Variants in TIMM23 observed in about 807,000 individuals in gnomAD.
TIMM23 encodes mitochondrial import inner membrane translocase subunit Tim23.
TIMM23 carries 19 observed loss-of-function variants against 30.7 expected under a neutral mutation model. That is an observed-to-expected ratio of 0.62 (90% confidence interval 0.43 to 0.91). TIMM23 has a LOEUF of 0.91. Ranked by LOEUF, TIMM23 falls within the 40% of genes least tolerant of loss-of-function variation. The pLI, the probability that TIMM23 is intolerant of heterozygous loss-of-function variation, is 0.00. For synonymous variants in TIMM23, 78 were observed against 98.5 expected, an observed-to-expected ratio of 0.79 and a Z score of 1.23; for missense variants, 202 against 269.2, an observed-to-expected ratio of 0.75 and a Z score of 1.75.
intron 6 of TIMM23, among the ~76,000 whole-genome samples, chr10:45,991,719 C>G (rs1225423690): frequency 1.3e-5 from 2 of 151,106 alleles, no homozygotes; most frequent in Admixed American, 6.6e-5. Flanking sequence ...CCACTGCACT[C>G]TAGCCTGGGC....
intron 6 of TIMM23, among the ~76,000 whole-genome samples, chr10:45,991,436 T>C (rs1468583351): frequency 2.6e-5 from 4 of 151,896 alleles, no homozygotes; most frequent in Non-Finnish European, 5.9e-5. Flanking sequence ...GAAGAGATGG[T>C]GAGGAAAAGG....
At chr10:45,993,050 C>A (rs1838213354) in intron 6 of TIMM23, among the ~76,000 whole-genome samples, 3 of 152,082 alleles carry the variant, frequency 2.0e-5, no homozygotes, top group Non-Finnish European at 4.4e-5. Flanking sequence ...CATCTTTGTT[C>A]AGATACCACC....
Position 45,982,712 on chromosome 10 carries a change from T to G in TIMM23, c.259+96T>G, listed in dbSNP as rs1246205396. The G allele has an allele frequency of 2.6e-6, 4 of 1,561,256 alleles. No individual in the cohort carries two copies. The African/African-American group carries it at 5.6e-5, about 22-fold the overall frequency. ...ATTAGAATGTTGGTTTCAGGGTTTT[T>G]TTTTTAATATTTACATTTGTCTTTT... is the stretch of plus-strand genomic sequence containing the variant. On this transcript the variant is annotated intron_variant, in intron 3 of 6. Coordinates refer to ENST00000580018, the MANE Select transcript of TIMM23 (RefSeq NM_006327.4).
At chr10:45,986,333 G>A (rs1837986170) in intron 5 of TIMM23, among the ~76,000 whole-genome samples, 1 of 152,082 alleles carries the variant, frequency 6.6e-6, no homozygotes, top group South Asian at 2.1e-4. Context: ...TTAATTGCTT[G>A]TATACCTAGA....
chr10:46,001,444 G>T (rs782275845), intron 6 of TIMM23, among the ~76,000 whole-genome samples: 1 of 152,174 alleles, frequency 6.6e-6, no homozygotes, highest in Non-Finnish European at 1.5e-5. Context: ...TAAGAAGAAC[G>T]TAAGCAGGTC....
chr10:45,999,073 T>C (rs1207873735), intron 6 of TIMM23, among the ~76,000 whole-genome samples: 28 of 152,136 alleles, frequency 1.8e-4, no homozygotes, highest in Admixed American at 3.3e-4. Context: ...CCTCAAGTGA[T>C]TTGCCCACCT....
chr10:45,985,628 TA>T (rs1837969092), intron 5 of TIMM23, among the ~76,000 whole-genome samples, 187 bp downstream of exon 5: 1 of 152,240 alleles, frequency 6.6e-6, no homozygotes, highest in Non-Finnish European at 1.5e-5. Context: ...TCTCAGGTGC[TA>T]ATACCGTTCT....
At chr10:46,003,167 C>T (rs782642107) in intron 6 of TIMM23, 36 bp from the exon 7 acceptor site, 13 of 1,509,102 alleles carry the variant, frequency 8.6e-6, no homozygotes, top group South Asian at 7.9e-5. Flanking sequence ...ATGCAATATA[C>T]AGCTATTTCA....
chr10:45,989,450 A>T (rs1294679716), intron 6 of TIMM23, among the ~76,000 whole-genome samples: 3 of 152,226 alleles, frequency 2.0e-5, no homozygotes. Flanking sequence ...TGGATGTACA[A>T]ATATCTCTTC....
intron 6 of TIMM23, chr10:46,002,296 C>T (rs1838567963): frequency 6.6e-6 from 1 of 152,616 alleles, no homozygotes. Context: ...CTACCTCAGC[C>T]TCCCAAATAG....
intron 5 of TIMM23, among the ~76,000 whole-genome samples, chr10:45,988,303 T>A (rs2132264483): frequency 6.6e-6 from 1 of 152,272 alleles, no homozygotes; most frequent in Admixed American, 6.5e-5. Context: ...TTCCTGGGTA[T>A]GGGGTACGAT....
At chr10:45,992,897 G>A (rs1337631186) in intron 6 of TIMM23, among the ~76,000 whole-genome samples, 1 of 151,990 alleles carries the variant, frequency 6.6e-6, no homozygotes, top group African/African-American at 2.4e-5. Flanking sequence ...TCTGTAATTT[G>A]CTCCCTTGCC....
intron 6 of TIMM23, chr10:45,992,758 A>C: frequency 2.8e-6 from 1 of 351,228 alleles, no homozygotes; most frequent in South Asian, 2.2e-5. Flanking sequence ...GGGTTTCACC[A>C]TGTTGGCCAG....
chr10:45,975,711 T>C (rs1837655080), intron 2 of TIMM23, among the ~76,000 whole-genome samples, 199 bp downstream of exon 2: 1 of 152,178 alleles, frequency 6.6e-6, no homozygotes, highest in African/African-American at 2.4e-5. Flanking sequence ...AAAAGCTTAT[T>C]TTTTAAAACC....
intron 6 of TIMM23, among the ~76,000 whole-genome samples, chr10:45,993,526 C>T (rs1395660226): frequency 6.6e-6 from 1 of 151,954 alleles, no homozygotes; most frequent in Non-Finnish European, 1.5e-5. Flanking sequence ...TGAATTCCAG[C>T]CTGGGCGATA....
intron 5 of TIMM23, among the ~76,000 whole-genome samples, chr10:45,986,300 A>G (rs1403957264): frequency 3.3e-5 from 5 of 152,150 alleles, no homozygotes; most frequent in Non-Finnish European, 7.3e-5. Flanking sequence ...ACCCTCCTAC[A>G]GAGTCACCCC....
intron 2 of TIMM23, among the ~76,000 whole-genome samples, chr10:45,977,074 T>C (rs1231266597): frequency 5.3e-5 from 8 of 150,196 alleles, no homozygotes; most frequent in African/African-American, 1.7e-4. Flanking sequence ...GCAAAACATA[T>C]TCTGAAAACT....
At chr10:45,992,744 G>A in intron 6 of TIMM23, 1 of 356,380 alleles carries the variant, frequency 2.8e-6, no homozygotes, top group Non-Finnish European at 5.5e-6. Context: ...TTTTAGTAGA[G>A]TCAGGGTTTC....
intron 1 of TIMM23, 98 bp downstream of exon 1, chr10:45,972,828 T>C: frequency 6.5e-7 from 1 of 1,545,390 alleles, no homozygotes; most frequent in Non-Finnish European, 8.7e-7. Flanking sequence ...TTTTTTTCCT[T>C]GCTGGCATTT....
Sources: gnomAD v4.1 joint callset for allele counts (sites outside exome capture counted in the v4.1 genomes callset) on GRCh38, gnomAD v4.1.1 for gene constraint, MANE v1.5 for transcripts, NCBI Gene and HGNC (gene_info 2026-07-23, HGNC 2026-07-21) for gene names.